Variants in TLK1 observed in about 807,000 individuals in gnomAD.
TLK1 encodes tousled like kinase 1.
A neutral mutation model predicts 105.3 loss-of-function variants in TLK1; 24 were observed. The observed-to-expected ratio is 0.23, with a 90% CI of 0.17 to 0.32. TLK1 has a LOEUF of 0.32. TLK1 is among the 10% of genes least tolerant of loss of function. TLK1 has a pLI of 1.00. For missense variants in TLK1, 558 were observed against 910.5 expected, an observed-to-expected ratio of 0.61 and a Z score of 4.98; for synonymous variants, 321 against 310.4, an observed-to-expected ratio of 1.03 and a Z score of -0.36.
At chr2:171,020,650 A>G (rs1685452940) in intron 12 of TLK1, among the ~76,000 whole-genome samples, 1 of 152,198 alleles carries the variant, frequency 6.6e-6, no homozygotes, top group Non-Finnish European at 1.5e-5. Context: ...TTATGTCACC[A>G]TATTATATGC....
At chr2:171,018,536 C>T (rs1685315337) in intron 12 of TLK1, among the ~76,000 whole-genome samples, 1 of 152,218 alleles carries the variant, frequency 6.6e-6, no homozygotes, top group Non-Finnish European at 1.5e-5. Context: ...CTGAGACTGA[C>T]ATTAACCTGT....
intron 3 of TLK1, among the ~76,000 whole-genome samples, chr2:171,062,803 T>G (rs1234846571): frequency 1.3e-5 from 2 of 152,246 alleles, no homozygotes; most frequent in Non-Finnish European, 2.9e-5. Context: ...TTTTACTGTT[T>G]ATGAATAAAA....
At chr2:171,035,348 A>C (rs1686274159) in intron 11 of TLK1, among the ~76,000 whole-genome samples, 2 of 152,132 alleles carry the variant, frequency 1.3e-5, no homozygotes, top group South Asian at 4.2e-4. Context: ...TCTCAAAAAA[A>C]AAAAAGGGGG....
intron 3 of TLK1, chr2:171,066,779 T>C (rs946298162): frequency 4.0e-6 from 6 of 1,509,684 alleles, no homozygotes; most frequent in East Asian, 2.5e-5. Flanking sequence ...AAGGCTTTAT[T>C]TGTTAAACAG....
chr2:170,999,221 C>G lies in TLK1; in HGVS notation c.1905-1398G>C, dbSNP rs570341163. 2.0e-5 allele frequency among the ~76,000 whole-genome samples: 3 copies of G among 152,294 alleles called. No individual in the cohort carries two copies. The South Asian group carries it at 6.2e-4, about 32-fold the overall frequency. Reference sequence around the variant, plus strand: ...AATAATGCTGCTCAATGGGAATTTACTATTTTTTTTAAAAAATGCAGTTTT... The same window carrying G: ...AATAATGCTGCTCAATGGGAATTTAGTATTTTTTTTAAAAAATGCAGTTTT... On this transcript the variant is annotated intron_variant, in intron 18 of 20. Coordinates refer to ENST00000431350, the MANE Select transcript of TLK1 (RefSeq NM_012290.5).
chr2:171,029,331 T>C (rs1048879593), intron 11 of TLK1, among the ~76,000 whole-genome samples: 5 of 152,126 alleles, frequency 3.3e-5, no homozygotes, highest in African/African-American at 1.2e-4. Flanking sequence ...AAAACTTTAG[T>C]CAAAGTACTA....
chr2:171,127,535 A>C (rs1441142379), intron 1 of TLK1, among the ~76,000 whole-genome samples: 1 of 152,108 alleles, frequency 6.6e-6, no homozygotes. Flanking sequence ...TGAACATGTT[A>C]GTTAAATGAG....
At chr2:170,997,341 G>A (rs547975052) in intron 19 of TLK1, among the ~76,000 whole-genome samples, 8 of 152,240 alleles carry the variant, frequency 5.3e-5, no homozygotes, top group South Asian at 2.1e-4. Context: ...GATGAGCAAC[G>A]GGGAAACTGC....
intron 1 of TLK1, among the ~76,000 whole-genome samples, chr2:171,194,441 T>C (rs73019103): frequency 0.13 from 19,025 of 152,188 alleles, 1,929 homozygotes; most frequent in African/African-American, 0.28. Flanking sequence ...TTAACTTCCC[T>C]ACCATTTATT....
At chr2:171,188,188 C>A (rs1693072644) in intron 1 of TLK1, among the ~76,000 whole-genome samples, 1 of 152,194 alleles carries the variant, frequency 6.6e-6, no homozygotes, top group Non-Finnish European at 1.5e-5. Context: ...TAAAGTAGCA[C>A]CCTGAAAACA....
intron 1 of TLK1, among the ~76,000 whole-genome samples, chr2:171,121,652 T>C (rs1487391814): frequency 6.6e-6 from 1 of 152,202 alleles, no homozygotes; most frequent in Non-Finnish European, 1.5e-5. Context: ...AAGAAAACAT[T>C]TATAAAGCAT....
intron 1 of TLK1, among the ~76,000 whole-genome samples, chr2:171,222,808 T>C (rs1349775057): frequency 1.2e-5 from 1 of 80,056 alleles, no homozygotes; most frequent in Non-Finnish European, 2.4e-5. Flanking sequence ...AACTATAGTC[T>C]ATTTATTTAT....
chr2:171,053,210 G>A (rs1236744817), intron 8 of TLK1, among the ~76,000 whole-genome samples: 1 of 152,120 alleles, frequency 6.6e-6, no homozygotes, highest in African/African-American at 2.4e-5. Context: ...TTGTGTTATG[G>A]TAGTTGGTCA....
intron 11 of TLK1, among the ~76,000 whole-genome samples, chr2:171,030,106 T>C (rs1172257169): frequency 1.3e-5 from 2 of 152,220 alleles, no homozygotes; most frequent in African/African-American, 4.8e-5. Context: ...GTTTGTTAAT[T>C]TACTTATGTG....
chr2:171,062,774 A>G (rs924088510), intron 3 of TLK1, among the ~76,000 whole-genome samples: 5 of 152,212 alleles, frequency 3.3e-5, no homozygotes, highest in Non-Finnish European at 7.3e-5. Context: ...TGAATCTACT[A>G]TACAAAAATA....
At chr2:171,001,777 T>C (rs1684387443) in intron 18 of TLK1, among the ~76,000 whole-genome samples, 1 of 152,146 alleles carries the variant, frequency 6.6e-6, no homozygotes, top group Non-Finnish European at 1.5e-5. Flanking sequence ...TTCTTTTTCA[T>C]TCATTCATTC....
intron 2 of TLK1, among the ~76,000 whole-genome samples, chr2:171,083,610 A>G (rs1688843091): frequency 6.6e-6 from 1 of 152,228 alleles, no homozygotes; most frequent in Non-Finnish European, 1.5e-5. Flanking sequence ...AGATGATGCA[A>G]GAATTAACAT....
At chr2:171,032,350 A>T (rs923917758) in intron 11 of TLK1, among the ~76,000 whole-genome samples, 3 of 152,146 alleles carry the variant, frequency 2.0e-5, no homozygotes, top group African/African-American at 7.2e-5. Flanking sequence ...ATCCCCAAAA[A>T]ATGCACAAGA....
At chr2:171,001,850 C>T (rs972287910) in intron 18 of TLK1, among the ~76,000 whole-genome samples, 20 of 151,844 alleles carry the variant, frequency 1.3e-4, no homozygotes, top group Admixed American at 9.2e-4. Context: ...GGTGTGATCT[C>T]GCTCACTGCA....
Sources: allele counts gnomAD v4.1 joint callset (sites outside exome capture counted in the v4.1 genomes callset), GRCh38; gene constraint gnomAD v4.1.1; transcripts MANE v1.5; gene names NCBI Gene and HGNC (gene_info 2026-07-23, HGNC 2026-07-21).